Variants in HDAC9 observed in about 807,000 individuals in gnomAD.
The protein encoded by HDAC9 is histone deacetylase 9.
In HDAC9, 41 loss-of-function variants were observed where a neutral mutation model predicts 139.4. The ratio of observed to expected loss-of-function variants is 0.29; its 90% confidence interval spans 0.23 to 0.38. The LOEUF (loss-of-function observed/expected upper bound fraction) is 0.38. Ranked by LOEUF, HDAC9 falls within the 10% of genes least tolerant of loss-of-function variation. The pLI is 1.00. For missense variants in HDAC9, 1,147 were observed against 1,297.0 expected (o/e 0.88, Z 1.78); for synonymous variants, 517 against 476.2 (o/e 1.09, Z -1.12).
intron 13 of HDAC9, among the ~76,000 whole-genome samples, chr7:18,747,842 A>G (rs180798163): frequency 2.0e-5 from 3 of 152,354 alleles, no homozygotes; most frequent in Admixed American, 2.0e-4. Context: ...TCAAGGAAAA[A>G]TATTTTCTTC....
chr7:18,960,936 A>G (rs1387283947), intron 24 of HDAC9, among the ~76,000 whole-genome samples: 1 of 152,152 alleles, frequency 6.6e-6, no homozygotes, highest in Non-Finnish European at 1.5e-5. Flanking sequence ...GGGGCTATGT[A>G]CACAACTAAA....
At chr7:18,348,120 T>C (rs1753939966) in intron 1 of HDAC9, among the ~76,000 whole-genome samples, 1 of 152,190 alleles carries the variant, frequency 6.6e-6, no homozygotes, top group Non-Finnish European at 1.5e-5. Context: ...GTTTCTAGGC[T>C]GCTCCACAAA....
intron 1 of HDAC9, among the ~76,000 whole-genome samples, chr7:18,475,591 A>G (rs1156999638): frequency 1.3e-5 from 2 of 152,202 alleles, no homozygotes; most frequent in African/African-American, 4.8e-5. Context: ...TAATTTTACT[A>G]ACACTGTAGC....
chr7:18,381,235 A>G (rs144480429), intron 1 of HDAC9, among the ~76,000 whole-genome samples: 3,100 of 150,552 alleles, frequency 0.021, 48 homozygotes, highest in South Asian at 0.043. Flanking sequence ...AAGAAAAAAA[A>G]GAAAAATAAA....
chr7:18,307,287 G>A (rs1562861294), intron 1 of HDAC9, among the ~76,000 whole-genome samples: 1 of 152,072 alleles, frequency 6.6e-6, no homozygotes, highest in Non-Finnish European at 1.5e-5. Flanking sequence ...GTTAATCCAT[G>A]AGTACAAAGG....
At chr7:18,839,216 C>T (rs1436120582) in intron 21 of HDAC9, among the ~76,000 whole-genome samples, 4 of 151,962 alleles carry the variant, frequency 2.6e-5, no homozygotes, top group African/African-American at 9.7e-5. Flanking sequence ...GTCTTACATG[C>T]CAGGTCCTAG....
At chr7:18,739,195 A>T (rs1294985859) in intron 13 of HDAC9, among the ~76,000 whole-genome samples, 2 of 152,084 alleles carry the variant, frequency 1.3e-5, no homozygotes, top group Admixed American at 1.3e-4. Context: ...CTTCCTTGAG[A>T]TGGGTTCGAA....
intron 25 of HDAC9, among the ~76,000 whole-genome samples, chr7:18,976,888 C>T (rs535741350): frequency 1.3e-5 from 2 of 152,278 alleles, no homozygotes; most frequent in South Asian, 4.1e-4. Flanking sequence ...TCAATAACAT[C>T]ACCATTAATT....
rs1466357619 is a variant in HDAC9, at chr7:18,927,091, CAT to C, written c.2804-8716_2804-8715del. On this transcript the variant is annotated intron_variant, in intron 22 of 25. Coordinates refer to ENST00000686413, the MANE Select transcript of HDAC9 (RefSeq NM_178425.4). ...TATGTTCATAAATTTACATTTTAAA[CAT>C]AACCAGATAATATATATCTTTACCC... Among the ~76,000 whole-genome samples the C allele has an allele frequency of 5.3e-5, 8 of 152,190 alleles. No homozygotes were observed. In the East Asian group the frequency reaches 1.5e-3, roughly 29 times the overall value.
At chr7:18,342,828 TAAAC>T (rs1782116625) in intron 1 of HDAC9, among the ~76,000 whole-genome samples, 1 of 151,882 alleles carries the variant, frequency 6.6e-6, no homozygotes, top group Admixed American at 6.6e-5. Flanking sequence ...CTATTTCTAT[TAAAC>T]AAGCTGAATA....
At chr7:18,438,368 A>G (rs976760462) in intron 1 of HDAC9, among the ~76,000 whole-genome samples, 1 of 152,248 alleles carries the variant, frequency 6.6e-6, no homozygotes, top group African/African-American at 2.4e-5. Flanking sequence ...GCACTCTGAT[A>G]TACTATTAGA....
intron 13 of HDAC9, among the ~76,000 whole-genome samples, chr7:18,741,831 A>T (rs1226377167): frequency 6.6e-6 from 1 of 152,184 alleles, no homozygotes; most frequent in Non-Finnish European, 1.5e-5. Flanking sequence ...AAAGAAGTTG[A>T]TTCCAGTTCT....
intron 24 of HDAC9, among the ~76,000 whole-genome samples, chr7:18,956,550 C>T (rs1056288228): frequency 2.2e-4 from 34 of 152,066 alleles, no homozygotes; most frequent in African/African-American, 7.7e-4. Flanking sequence ...CCATAAACAA[C>T]AAAGGCCATA....
chr7:18,572,944 A>G (rs1824783707), intron 2 of HDAC9, among the ~76,000 whole-genome samples: 1 of 152,234 alleles, frequency 6.6e-6, no homozygotes. Flanking sequence ...ATTCAAAAGC[A>G]TATTTGCAGA....
intron 13 of HDAC9, among the ~76,000 whole-genome samples, chr7:18,729,911 C>T (rs535696966): frequency 2.0e-5 from 3 of 152,136 alleles, no homozygotes; most frequent in South Asian, 2.1e-4. Context: ...ATAATAAACA[C>T]GAATTTACTA....
chr7:18,893,178 G>A (rs1022499140), intron 22 of HDAC9, among the ~76,000 whole-genome samples: 1 of 152,064 alleles, frequency 6.6e-6, no homozygotes, highest in Non-Finnish European at 1.5e-5. Context: ...GATGGTGACA[G>A]TAGTGTCAAA....
At chr7:18,708,643 G>A (rs944402164) in intron 12 of HDAC9, among the ~76,000 whole-genome samples, 3 of 152,202 alleles carry the variant, frequency 2.0e-5, no homozygotes, top group African/African-American at 7.2e-5. Flanking sequence ...ACAAGTCCCA[G>A]TATTGGGAGA....
chr7:18,432,875 C>A (rs1428047949), intron 1 of HDAC9, among the ~76,000 whole-genome samples: 1 of 151,558 alleles, frequency 6.6e-6, no homozygotes, highest in Non-Finnish European at 1.5e-5. Flanking sequence ...GGCATGAACC[C>A]GGGAGGCGGA....
At chr7:18,869,684 T>C (rs1798770028) in intron 21 of HDAC9, among the ~76,000 whole-genome samples, 2 of 152,128 alleles carry the variant, frequency 1.3e-5, no homozygotes, top group Admixed American at 1.3e-4. Context: ...ATCCACTGCT[T>C]GGCGTGTGGA....
Sources: allele counts gnomAD v4.1 joint callset (sites outside exome capture counted in the v4.1 genomes callset), GRCh38; gene constraint gnomAD v4.1.1; transcripts MANE v1.5; gene names NCBI Gene and HGNC (gene_info 2026-07-23, HGNC 2026-07-21).